Variants in TEX14 observed in about 807,000 individuals in gnomAD.
The protein encoded by TEX14 is inactive serine/threonine-protein kinase TEX14.
TEX14 carries 168 observed loss-of-function variants against 178.6 expected under a neutral mutation model. The observed-to-expected ratio is 0.94, with a 90% CI of 0.83 to 1.07. The LOEUF (loss-of-function observed/expected upper bound fraction) is 1.07. Ranked by LOEUF, TEX14 falls within the 50% of genes least tolerant of loss-of-function variation. The probability of loss-of-function intolerance (pLI) is 0.00; values close to 1 mark genes in which losing one functional copy is unlikely to be tolerated. For missense variants in TEX14, 1,730 were observed against 1,753.6 expected, an observed-to-expected ratio of 0.99 and a Z score of 0.24; for synonymous variants, 626 against 634.1, an observed-to-expected ratio of 0.99 and a Z score of 0.19.
chr17:58,585,461 T>G (rs1325630371), intron 18 of TEX14, among the ~76,000 whole-genome samples: 2 of 152,096 alleles, frequency 1.3e-5, no homozygotes, highest in Non-Finnish European at 2.9e-5. Context: ...ATTTTTATTT[T>G]GAGACAGGGT....
intron 2 of TEX14, chr17:58,631,186 G>C (rs1479787116): frequency 4.1e-6 from 4 of 981,284 alleles, no homozygotes; most frequent in Non-Finnish European, 4.8e-6. Context: ...AAGCCTGGAG[G>C]CGCAGTGGCT....
Position 58,662,419 on chromosome 17 carries a change from A to T in TEX14, c.-1-10417T>A, listed in dbSNP as rs1205219182. ...CAGATATATAGCACACATATCTCAC[A>T]CACACACACACACACACACACACAC... On this transcript the variant is annotated intron_variant, in intron 1 of 31. Coordinates refer to ENST00000349033, the MANE Select transcript of TEX14 (RefSeq NM_031272.5). Among the ~76,000 whole-genome samples, 338 of 73,398 alleles carry T rather than the reference A, an allele frequency of 4.6e-3. 1 individual carries two copies. Among genetic ancestry groups the T allele is most frequent in the African/African-American group, 0.013 (319 of 25,014 alleles). 48.2% of individuals were successfully genotyped at this position (73,398 alleles called of 152,430 possible).
In TEX14 at chr17:58,577,398, C is replaced by T. The variant is rs767476730; in HGVS notation, c.3297G>A (p.Arg1099=). The T allele has an allele frequency of 2.7e-6, 4 of 1,501,576 alleles. No individual in the cohort carries two copies. The highest frequency in any genetic ancestry group is 2.9e-5 in the African/African-American group (2 of 69,158). 93.0% of individuals were successfully genotyped at this position (1,501,576 alleles called of 1,614,324 possible). The change falls in exon 21 of 32, where the codon AGG becomes AGA. Residue 1099 remains arginine (R), a synonymous_variant. Coordinates refer to ENST00000349033, the MANE Select transcript of TEX14 (RefSeq NM_031272.5). ...ACCTTCGTACAGGTTGAAATTGAGA[C>T]CTGGGCAAAATCTCAGCATTCTTTC... The part of the protein sequence containing the change: ...ILGKNAEILP[R]SQFQPVRSTE...
At chr17:58,666,046 C>CA (rs71395178) in intron 1 of TEX14, among the ~76,000 whole-genome samples, 8,390 of 98,848 alleles carry the variant, frequency 0.085, 358 homozygotes, top group African/African-American at 0.15. Flanking sequence ...GACTCTGTCT[C>CA]AAAAAAAAAA....
At chr17:58,637,429 G>A (rs937597820) in intron 2 of TEX14, among the ~76,000 whole-genome samples, 2 of 152,222 alleles carry the variant, frequency 1.3e-5, no homozygotes, top group Non-Finnish European at 2.9e-5. Flanking sequence ...AGCATGATGA[G>A]AGGGTTGGGA....
At chr17:58,565,926 A>G in intron 26 of TEX14, 102 bp from the exon 27 acceptor site, 2 of 884,788 alleles carry the variant, frequency 2.3e-6, no homozygotes, top group Non-Finnish European at 3.6e-6. Context: ...GACTTGCAGC[A>G]TTAACATAAC....
rs555107777 is a variant in TEX14, at chr17:58,574,192, T to C, written c.3378A>G (p.Lys1126=). 18 of 1,612,832 alleles carry C rather than the reference T, an allele frequency of 1.1e-5. No individual in the cohort carries two copies. Among genetic ancestry groups the C allele is most frequent in the Non-Finnish European group, 1.4e-5 (16 of 1,178,844 alleles). Residue 1126 remains lysine (K), a synonymous_variant, in exon 22 of 32, where the codon AAA becomes AAG. Transcript: ENST00000349033. The part of the protein sequence containing the change: ...SKESPKELKE[K]DISLTDIQDL... ...ATTCTCTTTGGTGATCATACATGTC[T>C]TTCTCTTTCAGTTCCTTTGGTGACT... is the stretch of plus-strand genomic sequence containing the variant.
chr17:58,594,138 G>A (rs775117923), intron 14 of TEX14, among the ~76,000 whole-genome samples: 39 of 151,896 alleles, frequency 2.6e-4, no homozygotes, highest in Non-Finnish European at 4.7e-4. Flanking sequence ...CAGCTTATCT[G>A]GAGGTCTTTA....
At chr17:58,571,700 C>T (rs116531884) in intron 24 of TEX14, among the ~76,000 whole-genome samples, 34 of 152,104 alleles carry the variant, frequency 2.2e-4, no homozygotes, top group Non-Finnish European at 4.3e-4. Context: ...CAGTAGAGAT[C>T]GATCAAAACT....
At chr17:58,573,044 C>T (rs2044577813) in intron 23 of TEX14, 137 bp downstream of exon 23, 1 of 1,247,082 alleles carries the variant, frequency 8.0e-7, no homozygotes. Flanking sequence ...TGGGATTACC[C>T]AGTTTTGGCC....
rs527520701 is a variant in TEX14 at position 58,624,591 on chromosome 17, C to T, written c.252-1579G>A. Among the ~76,000 whole-genome samples, 517 of 152,070 alleles carry T rather than the reference C, an allele frequency of 3.4e-3. 3 individuals carry two copies. Among genetic ancestry groups the T allele is most frequent in the Non-Finnish European group, 5.6e-3 (383 of 68,002 alleles). ...TCCTGACCTCCGGTGATCTACCCAC[C>T]TCAGCCTCCCAAAGTGCTGGGATTA... On this transcript the variant is annotated intron_variant, in intron 3 of 31. Coordinates refer to ENST00000349033, the MANE Select transcript of TEX14 (RefSeq NM_031272.5).
chr17:58,656,316 G>T (rs1295946076), intron 1 of TEX14, among the ~76,000 whole-genome samples: 1 of 152,120 alleles, frequency 6.6e-6, no homozygotes, highest in East Asian at 1.9e-4. Context: ...GTGGTGGCGG[G>T]CGCCTGTAGT....
At chr17:58,585,615 T>G (rs1028810649) in intron 18 of TEX14, among the ~76,000 whole-genome samples, 186 bp downstream of exon 18, 10 of 142,604 alleles carry the variant, frequency 7.0e-5, no homozygotes, top group Admixed American at 4.2e-4. Flanking sequence ...CTAATGTTTT[T>G]TTTTTTTTTT....
chr17:58,673,787 G>A (rs2047343225), intron 1 of TEX14, among the ~76,000 whole-genome samples: 1 of 151,708 alleles, frequency 6.6e-6, no homozygotes, highest in Non-Finnish European at 1.5e-5. Context: ...TGCCCAGCTT[G>A]GTCTCAAACT....
chr17:58,578,719 G>A (rs1194729989), intron 20 of TEX14, among the ~76,000 whole-genome samples: 1 of 152,208 alleles, frequency 6.6e-6, no homozygotes, highest in Non-Finnish European at 1.5e-5. Context: ...TCTGCAGGAA[G>A]AGGTGGGTGG....
In TEX14 at chr17:58,670,779, A is replaced by C. The variant is rs1024404249; in HGVS notation, c.-1-18777T>G. On this transcript the variant is annotated intron_variant, in intron 1 of 31. Transcript: ENST00000349033. Reference sequence around the variant, plus strand: ...CAGAGTGAGACTCCCTCTTAAAAAAAAAAAAAAAAAAAAAAAAAAAAGTGA... The same window carrying C: ...CAGAGTGAGACTCCCTCTTAAAAAACAAAAAAAAAAAAAAAAAAAAAGTGA... 4.0e-5 allele frequency among the ~76,000 whole-genome samples: 6 copies of C among 149,598 alleles called. 1 individual carries two copies. Among genetic ancestry groups the C allele is most frequent in the African/African-American group, 9.8e-5 (4 of 40,930 alleles).
rs114493012 is a variant in TEX14, at chr17:58,585,892, C to A, written c.2979G>T (p.Glu993Asp). 1.7e-5 allele frequency: 27 copies of A among 1,614,004 alleles called. No individual in the cohort carries two copies. The East Asian group carries it at 6.0e-4, about 36-fold the overall frequency. Reference protein sequence around the residue: ...RVIEYHRENDEPRGNGKFDKT... With the variant: ...RVIEYHRENDDPRGNGKFDKT... ...TGTCAAACTTGCCATTTCCTCTGGG[C>A]TCATCATTTTCCCTATGATACTCAA... Residue 993 changes from glutamate (E) to aspartate (D), a missense_variant, in exon 18 of 32, where the codon GAG (glutamate) becomes GAT (aspartate). Transcript: ENST00000349033.
chr17:58,584,404 T>C (rs2044900664), intron 19 of TEX14, 96 bp downstream of exon 19: 2 of 836,354 alleles, frequency 2.4e-6, no homozygotes, highest in Non-Finnish European at 4.0e-6. Flanking sequence ...AGAACTACTA[T>C]AGCTATTATT....
chr17:58,590,720 GC>G (rs1567722606), intron 15 of TEX14, among the ~76,000 whole-genome samples: 1 of 152,018 alleles, frequency 6.6e-6, no homozygotes. Context: ...ACACCACCAT[GC>G]CTGGCTAATT....
Sources: gnomAD v4.1 joint callset for allele counts (sites outside exome capture counted in the v4.1 genomes callset) on GRCh38, gnomAD v4.1.1 for gene constraint, MANE v1.5 for transcripts, NCBI Gene and HGNC (gene_info 2026-07-23, HGNC 2026-07-21) for gene names.